The following KCNH7 variants were observed in gnomAD, a reference collection of about 807,000 sequenced individuals.
KCNH7 encodes voltage-gated inwardly rectifying potassium channel KCNH7.
In KCNH7, 49 loss-of-function variants were observed where a neutral mutation model predicts 120.8. The ratio of observed to expected loss-of-function variants is 0.41; its 90% CI spans 0.32 to 0.51. The LOEUF (loss-of-function observed/expected upper bound fraction) is 0.51. Ranked by LOEUF, KCNH7 falls within the 20% of genes least tolerant of loss-of-function variation. KCNH7 has a pLI of 0.38. For missense variants in KCNH7, 1,097 were observed against 1,446.6 expected (o/e 0.76, Z 3.92); for synonymous variants, 547 against 516.1 (o/e 1.06, Z -0.81).
intron 2 of KCNH7, among the ~76,000 whole-genome samples, chr2:162,742,752 T>C (rs1688180793): frequency 2.0e-5 from 3 of 152,196 alleles, no homozygotes; most frequent in African/African-American, 7.2e-5. Context: ...CCCTATGATA[T>C]AGATGGTACT....
chr2:162,511,997 G>C (rs1006379114), intron 5 of KCNH7, among the ~76,000 whole-genome samples: 26 of 151,838 alleles, frequency 1.7e-4, no homozygotes, highest in African/African-American at 6.3e-4. Flanking sequence ...GTAGAAAACA[G>C]AATTGAATTC....
intron 2 of KCNH7, among the ~76,000 whole-genome samples, chr2:162,670,805 C>T (rs1307361578): frequency 2.0e-5 from 3 of 151,034 alleles, no homozygotes. Flanking sequence ...AAATCAAAAG[C>T]ATAAAATAAG....
chr2:162,416,009 C>T (rs1330681678), intron 9 of KCNH7, among the ~76,000 whole-genome samples: 1 of 152,100 alleles, frequency 6.6e-6, no homozygotes, highest in Non-Finnish European at 1.5e-5. Flanking sequence ...ATTATACTCT[C>T]CTTTGTTCTT....
intron 8 of KCNH7, among the ~76,000 whole-genome samples, chr2:162,424,750 T>C (rs761131588): frequency 1.3e-5 from 2 of 152,188 alleles, no homozygotes; most frequent in Non-Finnish European, 2.9e-5. Flanking sequence ...GCTTATCTTG[T>C]CATGATTGGT....
At position 162,463,431 on chromosome 2, in the gene KCNH7, C is replaced by G. The variant is rs539753704; in HGVS notation, c.1129-16988G>C. 9.2e-5 allele frequency among the ~76,000 whole-genome samples: 14 copies of G among 151,580 alleles called. No homozygotes were observed. The East Asian group carries it at 2.5e-3, about 27-fold the overall frequency. On this transcript the variant is annotated intron_variant, in intron 6 of 15. Transcript: ENST00000332142. ...TCAGACTTCTGCTTTATTGTTTCAT[C>G]TCTATGAAAAGAGGAATTATAAATT...
intron 6 of KCNH7, among the ~76,000 whole-genome samples, chr2:162,471,577 T>G (rs936078144): frequency 6.6e-6 from 1 of 151,966 alleles, no homozygotes; most frequent in African/African-American, 2.4e-5. Context: ...CACTGTTCAA[T>G]GAAATAAAAG....
chr2:162,664,231 A>T (rs1685062315), intron 2 of KCNH7, among the ~76,000 whole-genome samples: 1 of 152,162 alleles, frequency 6.6e-6, no homozygotes, highest in African/African-American at 2.4e-5. Context: ...AGAGAAGTGC[A>T]TATGTGCACA....
At chr2:162,546,073 A>G (rs1372624107) in intron 2 of KCNH7, among the ~76,000 whole-genome samples, 2 of 152,214 alleles carry the variant, frequency 1.3e-5, no homozygotes, top group African/African-American at 4.8e-5. Context: ...AAGAACTCTC[A>G]CACATTTTCT....
At chr2:162,479,785 G>T (rs1689867917) in intron 6 of KCNH7, among the ~76,000 whole-genome samples, 1 of 151,868 alleles carries the variant, frequency 6.6e-6, no homozygotes, top group Non-Finnish European at 1.5e-5. Context: ...CCTACCCGAG[G>T]ATGCCTTTGG....
At chr2:162,611,499 A>T (rs1215576754) in intron 2 of KCNH7, among the ~76,000 whole-genome samples, 3 of 152,194 alleles carry the variant, frequency 2.0e-5, no homozygotes, top group Admixed American at 2.0e-4. Context: ...AATATAAAAT[A>T]TTAAGAGATG....
At chr2:162,470,170 C>A (rs939476366) in intron 6 of KCNH7, among the ~76,000 whole-genome samples, 7 of 151,726 alleles carry the variant, frequency 4.6e-5, no homozygotes, top group Admixed American at 1.3e-4. Flanking sequence ...GGCCGCCCAT[C>A]GTCTGGGATG....
Position 162,698,615 on chromosome 2 carries a change from C to T in KCNH7, c.307+137922G>A, listed in dbSNP as rs1007671302. 5.9e-5 allele frequency among the ~76,000 whole-genome samples: 9 copies of T among 152,024 alleles called. No individual in the cohort carries two copies. In the East Asian group the frequency reaches 1.4e-3, roughly 23 times the overall value. On this transcript the variant is annotated intron_variant, in intron 2 of 15. Coordinates refer to ENST00000332142, the MANE Select transcript of KCNH7 (RefSeq NM_033272.4). The stretch of plus-strand genomic sequence containing the variant: ...AAGAATTGGATATTAGAAAGAGCAC[C>T]GCTTCACATCAAACAGACCTGTAAT...
chr2:162,373,222 A>G (rs967916134), intron 15 of KCNH7, among the ~76,000 whole-genome samples: 1 of 152,172 alleles, frequency 6.6e-6, no homozygotes, highest in African/African-American at 2.4e-5. Context: ...TTCCTTTTAA[A>G]AAAAATGCTA....
chr2:162,675,491 A>G (rs1386321121), intron 2 of KCNH7, among the ~76,000 whole-genome samples: 1 of 151,610 alleles, frequency 6.6e-6, no homozygotes, highest in Non-Finnish European at 1.5e-5. Flanking sequence ...ATTAAAGAAT[A>G]TTGGATAAAT....
chr2:162,540,342 T>C (rs796480283), intron 2 of KCNH7, among the ~76,000 whole-genome samples: 5 of 151,862 alleles, frequency 3.3e-5, no homozygotes, highest in African/African-American at 9.7e-5. Flanking sequence ...AAAAGACTGT[T>C]TAGGAGGAAC....
chr2:162,775,571 T>C (rs914941438), intron 2 of KCNH7, among the ~76,000 whole-genome samples: 1 of 152,122 alleles, frequency 6.6e-6, no homozygotes, highest in East Asian at 1.9e-4. Context: ...AAGGAAAGAA[T>C]GTAGAGCTAT....
intron 2 of KCNH7, among the ~76,000 whole-genome samples, chr2:162,769,774 G>T (rs927878744): frequency 2.6e-5 from 4 of 151,774 alleles, no homozygotes; most frequent in African/African-American, 9.7e-5. Flanking sequence ...AAACTCAAGG[G>T]GTTAAAAGTT....
chr2:162,778,471 G>A lies in KCNH7; in HGVS notation c.307+58066C>T, dbSNP rs1683340689. ...AACAGCGTCTTGGGTTACCAGACAA[G>A]TCTAAATTCAAATCCTTTATCTTCT... On this transcript the variant is annotated intron_variant, in intron 2 of 15. Transcript: ENST00000332142. Among the ~76,000 whole-genome samples the A allele has an allele frequency of 2.6e-5, 4 of 152,266 alleles. No individual in the cohort carries two copies. The South Asian group carries it at 6.2e-4, about 24-fold the overall frequency.
At chr2:162,543,856 T>C (rs1291590746) in intron 2 of KCNH7, among the ~76,000 whole-genome samples, 1 of 152,146 alleles carries the variant, frequency 6.6e-6, no homozygotes. Context: ...GCATAAAAGA[T>C]GTTAGCAATA....
Sources: allele counts gnomAD v4.1 joint callset (sites outside exome capture counted in the v4.1 genomes callset), GRCh38; gene constraint gnomAD v4.1.1; transcripts MANE v1.5; gene names NCBI Gene and HGNC (gene_info 2026-07-23, HGNC 2026-07-21).